RYR3: variants seen among roughly 807,000 people sequenced by gnomAD.
The protein encoded by RYR3 is brain ryanodine receptor-calcium release channel.
A neutral mutation model predicts 584.3 loss-of-function variants in RYR3; 207 were observed. The ratio of observed to expected loss-of-function variants is 0.35; its 90% confidence interval spans 0.32 to 0.40. The LOEUF (loss-of-function observed/expected upper bound fraction) is 0.40. Among genes scored for constraint, RYR3 ranks in the 10% least tolerant of loss-of-function variants. The pLI, the probability that RYR3 is intolerant of heterozygous loss-of-function variation, is 1.00. For synonymous variants in RYR3, 2,416 were observed against 2,248.5 expected, an observed-to-expected ratio of 1.07 and a Z score of -2.11; for missense variants, 5,616 against 6,089.2, an observed-to-expected ratio of 0.92 and a Z score of 2.59.
chr15:33,473,194 C>T (rs2049075524), intron 1 of RYR3, among the ~76,000 whole-genome samples: 1 of 152,126 alleles, frequency 6.6e-6, no homozygotes, highest in Admixed American at 6.5e-5. Flanking sequence ...GTACTTGCCC[C>T]CACTGACCTC....
intron 2 of RYR3, among the ~76,000 whole-genome samples, chr15:33,477,089 G>GA (rs1401856370): frequency 3.9e-5 from 6 of 152,152 alleles, no homozygotes; most frequent in African/African-American, 1.4e-4. Context: ...GCAGTGAGGT[G>GA]AGGAGGTATG....
At chr15:33,431,291 G>A (rs566117153) in intron 1 of RYR3, among the ~76,000 whole-genome samples, 103 of 152,294 alleles carry the variant, frequency 6.8e-4, no homozygotes, top group South Asian at 2.1e-3. Context: ...TCTGTATCCA[G>A]CTCAACACAG....
intron 1 of RYR3, among the ~76,000 whole-genome samples, chr15:33,331,781 A>G (rs965153673): frequency 1.2e-4 from 18 of 152,190 alleles, no homozygotes; most frequent in Non-Finnish European, 2.2e-4. Context: ...ACAAAATTAA[A>G]TTAAAATAAA....
intron 16 of RYR3, among the ~76,000 whole-genome samples, chr15:33,597,535 C>T (rs779456665): frequency 4.6e-5 from 7 of 150,538 alleles, no homozygotes; most frequent in Admixed American, 1.3e-4. Flanking sequence ...CGCTTGAACC[C>T]GGGAGGCGGA....
chr15:33,348,015 A>G (rs966928218), intron 1 of RYR3, among the ~76,000 whole-genome samples: 2 of 151,988 alleles, frequency 1.3e-5, no homozygotes, highest in African/African-American at 2.4e-5. Context: ...AGAGTAGTAT[A>G]TACATACATC....
intron 17 of RYR3, among the ~76,000 whole-genome samples, 198 bp from the exon 18 acceptor site, chr15:33,602,925 C>G (rs906319342): frequency 4.0e-5 from 6 of 151,834 alleles, no homozygotes; most frequent in Non-Finnish European, 7.4e-5. Flanking sequence ...TTTGTAGAAA[C>G]AGGGTCTCTC....
At chr15:33,531,825 AGAAGGT>A (rs1435148553) in intron 4 of RYR3, among the ~76,000 whole-genome samples, 1 of 152,060 alleles carries the variant, frequency 6.6e-6, no homozygotes, top group Non-Finnish European at 1.5e-5. Context: ...TCTGGAATTG[AGAAGGT>A]GATACTATCT....
chr15:33,725,551 C>T lies in RYR3; in HGVS notation c.6913-835C>T, dbSNP rs35284476. Among the ~76,000 whole-genome samples, 1,026 of 152,288 alleles carry T rather than the reference C, an allele frequency of 6.7e-3. 3 individuals carry two copies. The highest frequency in any genetic ancestry group is 0.011 in the Non-Finnish European group (722 of 68,016). ...CGGGCTACTCAAGCCGGGATAACTC[C>T]GCTGAGCCCCTCAAGTTCTCTCTGA... is the stretch of plus-strand genomic sequence containing the variant. On this transcript the variant is annotated intron_variant, in intron 45 of 103. Transcript: ENST00000634891.
At position 33,768,677 on chromosome 15, in the gene RYR3, G is replaced by T; in HGVS notation, c.8725G>T (p.Ala2909Ser). 1 of 1,613,898 alleles carries T rather than the reference G, an allele frequency of 6.2e-7. No individual in the cohort carries two copies. The highest frequency in any genetic ancestry group is 8.5e-7 in the Non-Finnish European group (1 of 1,179,830). Residue 2909 changes from alanine (A) to serine (S), a missense_variant, in exon 61 of 104, where the codon GCT becomes TCT. Ala to Ser is a moderately conservative substitution (Grantham distance 99, BLOSUM62 1). Transcript: ENST00000634891. Reference sequence around the variant, plus strand: ...CTTCAGCCTGTTCTGCAAACTTGCCGCTCTCGTTAGACACAGAATTTCCCT... The same window carrying T: ...CTTCAGCCTGTTCTGCAAACTTGCCTCTCTCGTTAGACACAGAATTTCCCT... ...MVAGLFCKLA[A>S]LVRHRISLFG...
intron 83 of RYR3, 81 bp from the exon 84 acceptor site, chr15:33,826,591 C>G: frequency 8.5e-7 from 1 of 1,181,970 alleles, no homozygotes; most frequent in Non-Finnish European, 1.3e-6. Flanking sequence ...ACTCCTTTAT[C>G]ATCTGTGTAG....
intron 1 of RYR3, among the ~76,000 whole-genome samples, chr15:33,424,795 G>A (rs896014228): frequency 1.9e-4 from 29 of 152,038 alleles, no homozygotes; most frequent in Admixed American, 1.9e-3. Flanking sequence ...TATATGATGA[G>A]CACTATAGGG....
Position 33,740,042 on chromosome 15 carries a change from G to A in RYR3, c.7820+47G>A, listed in dbSNP as rs764736727. The A allele has an allele frequency of 1.3e-5, 20 of 1,554,608 alleles. 1 individual carries two copies. Among genetic ancestry groups the A allele is most frequent in the South Asian group, 1.1e-4 (10 of 87,368 alleles). On this transcript the variant is annotated intron_variant, in intron 51 of 103. Transcript: ENST00000634891. ...AGCTGGTGCTGTATTTTGTCCAATAGCCAATGTTTTCTTCCAGAGGGTAGC... is the reference window on the plus strand; with the variant it reads ...AGCTGGTGCTGTATTTTGTCCAATAACCAATGTTTTCTTCCAGAGGGTAGC...
chr15:33,638,905 A>G (rs1020646385), intron 27 of RYR3, among the ~76,000 whole-genome samples: 2 of 152,210 alleles, frequency 1.3e-5, no homozygotes, highest in Admixed American at 1.3e-4. Flanking sequence ...CTGTGGCTCC[A>G]GGAAGCTATA....
intron 42 of RYR3, among the ~76,000 whole-genome samples, chr15:33,704,117 T>C (rs1406814604): frequency 6.6e-6 from 1 of 151,640 alleles, no homozygotes; most frequent in East Asian, 1.9e-4. Flanking sequence ...TAAAAAGAAA[T>C]ACAAAAGTTA....
chr15:33,439,290 CAGTACAATGTCGAAT>C (rs2046013193), intron 1 of RYR3, among the ~76,000 whole-genome samples: 1 of 152,056 alleles, frequency 6.6e-6, no homozygotes, highest in Non-Finnish European at 1.5e-5. Context: ...CCATATTGCA[CAGTACAATGTCGAAT>C]AGAACCAACA....
chr15:33,750,954 G>T (rs757002309), intron 57 of RYR3, among the ~76,000 whole-genome samples: 1 of 152,068 alleles, frequency 6.6e-6, no homozygotes. Flanking sequence ...TCCCACTTAC[G>T]AGTGAGAACA....
chr15:33,757,703 G>A, intron 60 of RYR3, 107 bp downstream of exon 60: 1 of 1,272,058 alleles, frequency 7.9e-7, no homozygotes, highest in South Asian at 1.4e-5. Context: ...GAAACTGGAT[G>A]ATGTTTTGGT....
intron 43 of RYR3, among the ~76,000 whole-genome samples, chr15:33,710,760 A>C (rs1419089311): frequency 6.6e-6 from 1 of 152,194 alleles, no homozygotes; most frequent in African/African-American, 2.4e-5. Context: ...ACTACATGGA[A>C]ACTGCCAAGA....
chr15:33,748,984 T>G (rs1361409801), intron 55 of RYR3, among the ~76,000 whole-genome samples: 1 of 152,242 alleles, frequency 6.6e-6, no homozygotes, highest in Non-Finnish European at 1.5e-5. Context: ...ATAGTTGTTA[T>G]GCTGTATTGC....
Sources: gnomAD v4.1 joint callset for allele counts (sites outside exome capture counted in the v4.1 genomes callset) on GRCh38, gnomAD v4.1.1 for gene constraint, MANE v1.5 for transcripts, NCBI Gene and HGNC (gene_info 2026-07-23, HGNC 2026-07-21) for gene names.